The following CDC14A variants were observed in gnomAD, a reference collection of about 807,000 sequenced individuals.
CDC14A encodes dual specificity protein phosphatase CDC14A.
CDC14A carries 53 observed loss-of-function variants against 74.4 expected under a neutral mutation model. The observed-to-expected ratio is 0.71, with a 90% CI of 0.57 to 0.89. CDC14A has a LOEUF of 0.89. Among genes scored for constraint, CDC14A ranks in the 40% least tolerant of loss-of-function variants. The pLI, the probability that CDC14A is intolerant of heterozygous loss-of-function variation, is 0.00. For missense variants in CDC14A, 646 were observed against 713.7 expected (o/e 0.91, Z 1.08); for synonymous variants, 247 against 258.4 (o/e 0.96, Z 0.43).
At chr1:100,435,522 T>C (rs535439641) in intron 5 of CDC14A, among the ~76,000 whole-genome samples, 1 of 152,192 alleles carries the variant, frequency 6.6e-6, no homozygotes, top group Admixed American at 6.5e-5. Context: ...CCCCACTGAA[T>C]TGTACACTTT....
intron 4 of CDC14A, among the ~76,000 whole-genome samples, chr1:100,408,155 A>C (rs1413108197): frequency 6.6e-6 from 1 of 152,176 alleles, no homozygotes. Context: ...CTTATAAGTG[A>C]GAATATGCAG....
chr1:100,459,011 G>A (rs78981310), intron 8 of CDC14A, among the ~76,000 whole-genome samples: 21,664 of 151,688 alleles, frequency 0.14, 1,761 homozygotes, highest in Non-Finnish European at 0.17. Flanking sequence ...ACAGCAGAAT[G>A]AAACAGATAT....
At chr1:100,440,452 C>T (rs1438873992) in intron 6 of CDC14A, among the ~76,000 whole-genome samples, 1 of 152,014 alleles carries the variant, frequency 6.6e-6, no homozygotes, top group African/African-American at 2.4e-5. Context: ...TTGATGCACT[C>T]CAAAGTTTGA....
At chr1:100,446,191 T>C (rs542714101) in intron 7 of CDC14A, among the ~76,000 whole-genome samples, 1 of 152,288 alleles carries the variant, frequency 6.6e-6, no homozygotes, top group South Asian at 2.1e-4. Flanking sequence ...CTGTAAGCCT[T>C]AGATGATTAG....
At chr1:100,446,921 A>G (rs1405454508) in intron 7 of CDC14A, among the ~76,000 whole-genome samples, 1 of 151,780 alleles carries the variant, frequency 6.6e-6, no homozygotes, top group Non-Finnish European at 1.5e-5. Flanking sequence ...TTGGTCTCAA[A>G]CTCCTGGACT....
At chr1:100,347,030 C>T (rs966814497) in intron 1 of CDC14A, among the ~76,000 whole-genome samples, 11 of 152,096 alleles carry the variant, frequency 7.2e-5, no homozygotes, top group Middle Eastern at 3.2e-3. Context: ...TTGTTTCATT[C>T]GGAGATTATT....
chr1:100,438,911 C>T (rs1456239805), intron 5 of CDC14A, among the ~76,000 whole-genome samples: 2 of 152,162 alleles, frequency 1.3e-5, no homozygotes, highest in Non-Finnish European at 2.9e-5. Context: ...GTGCCTTTCA[C>T]TTTGTCTAGA....
intron 11 of CDC14A, chr1:100,484,670 G>T: frequency 8.8e-7 from 1 of 1,135,324 alleles, no homozygotes. Context: ...TTATAAAGGA[G>T]GCTACTCTGG....
chr1:100,364,393 T>A (rs1557682384), intron 2 of CDC14A, among the ~76,000 whole-genome samples: 1 of 151,796 alleles, frequency 6.6e-6, no homozygotes, highest in East Asian at 1.9e-4. Flanking sequence ...TTTTTTTTTT[T>A]AATAGAGACA....
At chr1:100,366,736 C>A (rs577923348) in intron 2 of CDC14A, among the ~76,000 whole-genome samples, 5 of 152,246 alleles carry the variant, frequency 3.3e-5, no homozygotes, top group Admixed American at 6.5e-5. Context: ...CTTTTAGTTT[C>A]TTTCCTGTCA....
rs191778315 is a variant in CDC14A at position 100,457,970 on chromosome 1, G to A, written c.607+2478G>A. Among the ~76,000 whole-genome samples, 309 of 152,044 alleles carry A rather than the reference G, an allele frequency of 2.0e-3. 2 individuals are homozygous for A. Among genetic ancestry groups the A allele is most frequent in the Non-Finnish European group, 3.6e-3 (247 of 67,978 alleles). ...ATAGAATCACTAGATAAAAGGATAC[G>A]CAATTTTGTATAATAAGTTATAAGT... On this transcript the variant is annotated intron_variant, in intron 8 of 15. Coordinates refer to ENST00000336454, the MANE Select transcript of CDC14A (RefSeq NM_003672.4).
intron 9 of CDC14A, among the ~76,000 whole-genome samples, chr1:100,465,556 G>A (rs1490883064): frequency 1.3e-5 from 2 of 152,122 alleles, no homozygotes; most frequent in Non-Finnish European, 2.9e-5. Flanking sequence ...TCTTTTAATT[G>A]AACTAAAAGA....
At chr1:100,468,975 G>C (rs1225793708) in intron 10 of CDC14A, among the ~76,000 whole-genome samples, 1 of 151,774 alleles carries the variant, frequency 6.6e-6, no homozygotes, top group Non-Finnish European at 1.5e-5. Context: ...GCCCAGGCTG[G>C]TTTTGAACTC....
chr1:100,485,248 G>T, intron 11 of CDC14A: 2 of 985,378 alleles, frequency 2.0e-6, no homozygotes, highest in South Asian at 9.4e-5. Flanking sequence ...TAAAGTTCCA[G>T]GGTTGTTTAG....
chr1:100,456,804 G>T (rs1666744904), intron 8 of CDC14A, among the ~76,000 whole-genome samples: 1 of 152,132 alleles, frequency 6.6e-6, no homozygotes, highest in Admixed American at 6.6e-5. Context: ...CTTGAATCAT[G>T]ATTTTACCAT....
At chr1:100,353,731 G>A (rs759386074) in intron 1 of CDC14A, 31 bp from the exon 2 acceptor site, 3 of 1,222,718 alleles carry the variant, frequency 2.5e-6, no homozygotes, top group Non-Finnish European at 3.6e-6. Flanking sequence ...CTTCTCATAT[G>A]TTTTTTCTGT....
Position 100,455,387 on chromosome 1 carries a change from C to G in CDC14A, c.520-18C>G. Reference sequence around the variant, plus strand: ...TTATAAAATATTTTTCTTCTCTTTTCTTACAAAATTCTGCCAGCGAGTTGA... The same window carrying G: ...TTATAAAATATTTTTCTTCTCTTTTGTTACAAAATTCTGCCAGCGAGTTGA... On this transcript the variant is annotated intron_variant, in intron 7 of 15. Transcript: ENST00000336454. 6.5e-7 allele frequency: 1 copy of G among 1,547,250 alleles called. No individual in the cohort carries two copies. The highest frequency in any genetic ancestry group is 1.2e-5 in the South Asian group (1 of 84,528).
In CDC14A at chr1:100,406,628, A is replaced by T. The variant is rs573787388; in HGVS notation, c.309+15804A>T. On this transcript the variant is annotated intron_variant, in intron 4 of 15. Coordinates refer to ENST00000336454, the MANE Select transcript of CDC14A (RefSeq NM_003672.4). The stretch of plus-strand genomic sequence containing the variant: ...GCCAGCTCTCCCAGCACCATTTATT[A>T]AAAAGGCTGTTCTGGCCAGGCACGT... Among the ~76,000 whole-genome samples the T allele has an allele frequency of 2.6e-5, 4 of 152,198 alleles. No homozygotes were observed. The South Asian group carries it at 8.3e-4, about 32-fold the overall frequency.
chr1:100,357,330 C>T (rs542075449), intron 2 of CDC14A, among the ~76,000 whole-genome samples: 3 of 151,882 alleles, frequency 2.0e-5, no homozygotes, highest in East Asian at 1.9e-4. Flanking sequence ...GGTGGAAGTA[C>T]GCAACAAAGA....
Sources: allele counts gnomAD v4.1 joint callset (sites outside exome capture counted in the v4.1 genomes callset), GRCh38; gene constraint gnomAD v4.1.1; transcripts MANE v1.5; gene names NCBI Gene and HGNC (gene_info 2026-07-23, HGNC 2026-07-21).